Variants in SDK1 observed in about 807,000 individuals in gnomAD.
The protein encoded by SDK1 is sidekick cell adhesion molecule 1.
A neutral mutation model predicts 245.5 loss-of-function variants in SDK1; 157 were observed. That is an observed-to-expected ratio of 0.64 (90% CI 0.56 to 0.73). The LOEUF is 0.73. Ranked by LOEUF, SDK1 falls within the 30% of genes least tolerant of loss-of-function variation. The probability of loss-of-function intolerance (pLI) is 0.00; values close to 1 mark genes in which losing one functional copy is unlikely to be tolerated. For synonymous variants in SDK1, 1,647 were observed against 1,278.5 expected (o/e 1.29, Z -6.15); for missense variants, 3,583 against 3,002.3 (o/e 1.19, Z -4.52).
intron 1 of SDK1, among the ~76,000 whole-genome samples, chr7:3,403,838 TATATA>T (rs1399661354): frequency 1.8e-5 from 1 of 57,036 alleles, no homozygotes; most frequent in Non-Finnish European, 2.9e-5. Context: ...TATATATATA[TATATA>T]TATATATATA....
intron 1 of SDK1, among the ~76,000 whole-genome samples, chr7:3,462,007 C>A (rs533894092): frequency 6.6e-6 from 1 of 152,278 alleles, no homozygotes; most frequent in African/African-American, 2.4e-5. Context: ...CTAACCCTTC[C>A]CTAATCTAAC....
intron 4 of SDK1, among the ~76,000 whole-genome samples, chr7:3,800,587 G>T (rs62437946): frequency 0.014 from 2,070 of 152,066 alleles, 24 homozygotes; most frequent in Non-Finnish European, 0.021. Context: ...AACCAGGATG[G>T]TCTTGATCTC....
chr7:3,584,185 G>A (rs1485439295), intron 1 of SDK1, among the ~76,000 whole-genome samples: 1 of 152,184 alleles, frequency 6.6e-6, no homozygotes, highest in Non-Finnish European at 1.5e-5. Flanking sequence ...GGTGCTTGCT[G>A]TAAGGCTTCT....
At chr7:3,983,655 A>G (rs1783592454) in intron 13 of SDK1, among the ~76,000 whole-genome samples, 1 of 152,234 alleles carries the variant, frequency 6.6e-6, no homozygotes, top group African/African-American at 2.4e-5. Flanking sequence ...CTGAACGTGC[A>G]GTATCTCTGA....
chr7:3,821,668 CA>C (rs1779649423), intron 5 of SDK1, 85 bp downstream of exon 5: 13 of 1,463,880 alleles, frequency 8.9e-6, no homozygotes, highest in Non-Finnish European at 1.2e-5. Flanking sequence ...GGACATTTTG[CA>C]ATAAATTTTC....
intron 7 of SDK1, 26 bp from the exon 8 acceptor site, chr7:3,958,905 G>A (rs750893505): frequency 3.2e-6 from 5 of 1,583,012 alleles, no homozygotes; most frequent in Non-Finnish European, 4.3e-6. Context: ...TGGCTTAGGG[G>A]CTTTTTTTTA....
intron 4 of SDK1, among the ~76,000 whole-genome samples, chr7:3,719,395 A>C (rs1785298106): frequency 6.6e-6 from 1 of 152,162 alleles, no homozygotes. Context: ...GTTAACGCTT[A>C]CTGTATCCTG....
chr7:3,575,260 T>C (rs1562573933), intron 1 of SDK1, among the ~76,000 whole-genome samples: 1 of 151,982 alleles, frequency 6.6e-6, no homozygotes, highest in Admixed American at 6.6e-5. Flanking sequence ...GGTGCATGCA[T>C]GTGGGAAAAG....
intron 17 of SDK1, among the ~76,000 whole-genome samples, chr7:4,041,606 C>T (rs1248799125): frequency 6.6e-6 from 1 of 152,128 alleles, no homozygotes; most frequent in East Asian, 1.9e-4. Context: ...CTGTTCACCC[C>T]TCCTGACTGC....
chr7:4,162,305 G>A lies in SDK1; in HGVS notation c.4800+449G>A, dbSNP rs1012409532. Among the ~76,000 whole-genome samples the A allele has an allele frequency of 5.3e-5, 8 of 151,892 alleles. No homozygotes were observed. In the South Asian group the frequency reaches 6.3e-4, roughly 12 times the overall value. On this transcript the variant is annotated intron_variant, in intron 32 of 44. Coordinates refer to ENST00000404826, the MANE Select transcript of SDK1 (RefSeq NM_152744.4). ...TCTGCAACCAGACAAAATATCTACC[G>A]GATTGTACATATTTTCCCAAAGTCT...
chr7:3,849,825 A>G (rs1468284109), intron 5 of SDK1, among the ~76,000 whole-genome samples: 1 of 152,208 alleles, frequency 6.6e-6, no homozygotes, highest in African/African-American at 2.4e-5. Flanking sequence ...TTTCTTAAAA[A>G]AGCTGTTCCA....
intron 5 of SDK1, among the ~76,000 whole-genome samples, chr7:3,897,486 CATA>C (rs1334932699): frequency 6.6e-6 from 1 of 152,156 alleles, no homozygotes; most frequent in African/African-American, 2.4e-5. Context: ...CTTATCTCAG[CATA>C]ATGTCTTTGA....
intron 22 of SDK1, among the ~76,000 whole-genome samples, chr7:4,107,523 A>G (rs570983750): frequency 8.6e-5 from 13 of 150,504 alleles, no homozygotes; most frequent in African/African-American, 3.2e-4. Flanking sequence ...CGTATTCTCC[A>G]TGAAATCGCC....
Position 4,233,250 on chromosome 7 carries a change from T to C in SDK1, c.5828-5T>C. The stretch of plus-strand genomic sequence containing the variant: ...TCTGCTCTCGCCTCCCCATCCCTCT[T>C]GCAGATGAAGGCTTATGGGACATGT... On this transcript the variant is annotated splice_region_variant and splice_polypyrimidine_tract_variant and intron_variant, in intron 40 of 44. Transcript: ENST00000404826. 2 of 1,611,016 alleles carry C rather than the reference T, an allele frequency of 1.2e-6. No homozygotes were observed. The highest frequency in any genetic ancestry group is 1.7e-6 in the Non-Finnish European group (2 of 1,178,070).
chr7:3,764,650 C>T (rs1016003637), intron 4 of SDK1, among the ~76,000 whole-genome samples: 1 of 151,948 alleles, frequency 6.6e-6, no homozygotes, highest in Non-Finnish European at 1.5e-5. Context: ...CCACCGCACT[C>T]TAGCCTGGGC....
intron 1 of SDK1, among the ~76,000 whole-genome samples, chr7:3,328,567 T>C (rs1261858121): frequency 6.6e-6 from 1 of 152,102 alleles, no homozygotes; most frequent in Non-Finnish European, 1.5e-5. Context: ...ATGTATTACA[T>C]AAAAGTCTCC....
intron 1 of SDK1, among the ~76,000 whole-genome samples, chr7:3,497,837 C>G (rs1782073109): frequency 6.6e-6 from 1 of 152,200 alleles, no homozygotes; most frequent in South Asian, 2.1e-4. Flanking sequence ...CACACTGTAA[C>G]CCCATCTAAT....
chr7:3,485,789 C>T (rs1026041801), intron 1 of SDK1, among the ~76,000 whole-genome samples: 1 of 146,072 alleles, frequency 6.8e-6, no homozygotes, highest in Non-Finnish European at 1.5e-5. Context: ...GTGCTATTCC[C>T]ACGTAAGTGT....
chr7:4,040,131 G>A (rs1208642214), intron 17 of SDK1, among the ~76,000 whole-genome samples: 1 of 152,166 alleles, frequency 6.6e-6, no homozygotes, highest in African/African-American at 2.4e-5. Flanking sequence ...TCACCACACT[G>A]GGGGCTGTAC....
Sources: allele counts gnomAD v4.1 joint callset (sites outside exome capture counted in the v4.1 genomes callset), GRCh38; gene constraint gnomAD v4.1.1; transcripts MANE v1.5; gene names NCBI Gene and HGNC (gene_info 2026-07-23, HGNC 2026-07-21).